The following OSBPL6 variants were observed in gnomAD, a reference collection of about 807,000 sequenced individuals.
OSBPL6 encodes the protein oxysterol binding protein like 6, also known as oxysterol-binding protein-related protein 6.
OSBPL6 carries 49 observed loss-of-function variants against 125.8 expected under a neutral mutation model. The ratio of observed to expected loss-of-function variants is 0.39; its 90% CI spans 0.31 to 0.49. The LOEUF is 0.49. OSBPL6 is among the 20% of genes least tolerant of loss of function. The pLI, the probability that OSBPL6 is intolerant of heterozygous loss-of-function variation, is 0.88. For missense variants in OSBPL6, 986 were observed against 1,135.4 expected, an observed-to-expected ratio of 0.87 and a Z score of 1.89; for synonymous variants, 394 against 391.8, an observed-to-expected ratio of 1.01 and a Z score of -0.07.
At chr2:178,389,988 T>A (rs1193972669) in intron 21 of OSBPL6, among the ~76,000 whole-genome samples, 1 of 152,190 alleles carries the variant, frequency 6.6e-6, no homozygotes, top group Admixed American at 6.5e-5. Flanking sequence ...CTACCTTTTT[T>A]CTTAGAGACT....
At chr2:178,329,564 G>A (rs775715725) in intron 5 of OSBPL6, among the ~76,000 whole-genome samples, 5 of 151,712 alleles carry the variant, frequency 3.3e-5, no homozygotes, top group Admixed American at 6.6e-5. Flanking sequence ...GACTACAGGC[G>A]CACGCCACCA....
intron 21 of OSBPL6, among the ~76,000 whole-genome samples, chr2:178,389,617 T>G (rs1244252916): frequency 6.6e-6 from 1 of 152,198 alleles, no homozygotes; most frequent in East Asian, 1.9e-4. Flanking sequence ...TATCCAACCC[T>G]GCCACTGTTA....
intron 2 of OSBPL6, among the ~76,000 whole-genome samples, chr2:178,300,897 A>G (rs972568549): frequency 2.6e-5 from 4 of 152,212 alleles, no homozygotes; most frequent in Non-Finnish European, 4.4e-5. Flanking sequence ...TTAAAACCAT[A>G]TGAAAGTCAG....
rs1179939272 is a variant in OSBPL6, at chr2:178,303,275, G to A, written c.-155-2755G>A. Among the ~76,000 whole-genome samples, 3 of 152,130 alleles carry A rather than the reference G, an allele frequency of 2.0e-5. No individual in the cohort carries two copies. In the East Asian group the frequency reaches 5.8e-4, roughly 29 times the overall value. On this transcript the variant is annotated intron_variant, in intron 2 of 24. Coordinates refer to ENST00000190611, the MANE Select transcript of OSBPL6 (RefSeq NM_032523.4). Reference sequence around the variant, plus strand: ...CAAGAGAAAGTCTCCCAGTTTGGAGGGAAAGTAGCTTTCATTTTTCCTGCG... The same window carrying A: ...CAAGAGAAAGTCTCCCAGTTTGGAGAGAAAGTAGCTTTCATTTTTCCTGCG...
intron 1 of OSBPL6, among the ~76,000 whole-genome samples, chr2:178,209,272 T>G (rs915606232): frequency 1.3e-5 from 2 of 152,128 alleles, no homozygotes; most frequent in Non-Finnish European, 2.9e-5. Flanking sequence ...AATTTTCTTA[T>G]GTTTGCTGTC....
chr2:178,387,073 A>G lies in OSBPL6; in HGVS notation c.2090A>G (p.Lys697Arg). Reference protein sequence around the residue: ...NFVFWQDIRWKNKFWGKSMEI... With the variant: ...NFVFWQDIRWRNKFWGKSMEI... ...CTATGTCATTTAGATATCAGATGGA[A>G]AAACAAGTTCTGGGGGAAGTCGATG... Residue 697 changes from lysine (K) to arginine (R), a missense_variant, in exon 20 of 25, where the codon AAA becomes AGA. Around this residue, in one of 3 missense-constraint regions of OSBPL6, gnomAD observed 843 missense variants for 997.3 expected, o/e 0.85. Coordinates refer to ENST00000190611, the MANE Select transcript of OSBPL6 (RefSeq NM_032523.4). 6.2e-7 allele frequency: 1 copy of G among 1,608,198 alleles called. No homozygotes were observed. Among genetic ancestry groups the G allele is most frequent in the Non-Finnish European group, 8.5e-7 (1 of 1,174,778 alleles).
At chr2:178,380,705 A>T (rs1694393170) in intron 15 of OSBPL6, among the ~76,000 whole-genome samples, 1 of 152,158 alleles carries the variant, frequency 6.6e-6, no homozygotes, top group Non-Finnish European at 1.5e-5. Context: ...GATTTATGAA[A>T]ATATATTTAC....
In OSBPL6 at chr2:178,383,166, G is replaced by C; in HGVS notation, c.1764G>C (p.Met588Ile). 1 of 1,614,178 alleles carries C rather than the reference G, an allele frequency of 6.2e-7. No homozygotes were observed. Among genetic ancestry groups the C allele is most frequent in the Non-Finnish European group, 8.5e-7 (1 of 1,180,044 alleles). Residue 588 changes from methionine (M) to isoleucine (I), a missense_variant, in exon 17 of 25, where the codon ATG becomes ATC. Physicochemically the swap from Met to Ile is conservative, Grantham distance 10 (BLOSUM62 1). Around this residue, in one of 3 missense-constraint regions of OSBPL6, gnomAD observed 843 missense variants for 997.3 expected, o/e 0.85. Coordinates refer to ENST00000190611, the MANE Select transcript of OSBPL6 (RefSeq NM_032523.4). ...GTAAAGACCTGTCTAAAGTCTCTAT[G>C]CCTGTGGAGCTAAACGAGCCGCTCA... ...NIGKDLSKVS[M>I]PVELNEPLNT...
chr2:178,239,920 C>T (rs1467892611), intron 1 of OSBPL6, among the ~76,000 whole-genome samples: 1 of 152,002 alleles, frequency 6.6e-6, no homozygotes, highest in Non-Finnish European at 1.5e-5. Context: ...AGCCACCGTG[C>T]TCAGCCTGAA....
At chr2:178,390,808 T>C (rs1456763524) in intron 21 of OSBPL6, among the ~76,000 whole-genome samples, 2 of 152,158 alleles carry the variant, frequency 1.3e-5, no homozygotes, top group Non-Finnish European at 2.9e-5. Flanking sequence ...AGCTTAGAAA[T>C]TAATATTAGG....
chr2:178,328,121 G>A (rs1688858020), intron 4 of OSBPL6, 135 bp from the exon 5 acceptor site: 1 of 1,133,746 alleles, frequency 8.8e-7, no homozygotes, highest in South Asian at 1.5e-5. Flanking sequence ...GTTAGAATTT[G>A]CTCCGGAATG....
intron 1 of OSBPL6, among the ~76,000 whole-genome samples, chr2:178,252,508 C>T (rs1045686992): frequency 4.6e-5 from 7 of 151,614 alleles, no homozygotes; most frequent in African/African-American, 1.5e-4. Context: ...ACATTTAAAC[C>T]GGGGAAGATG....
At chr2:178,260,029 CTTCTAA>C (rs1234062075) in intron 1 of OSBPL6, among the ~76,000 whole-genome samples, 1 of 152,110 alleles carries the variant, frequency 6.6e-6, no homozygotes. Flanking sequence ...AAATGGTAAT[CTTCTAA>C]TTCTAATATT....
At chr2:178,378,847 T>C (rs1459650996) in intron 15 of OSBPL6, among the ~76,000 whole-genome samples, 1 of 152,074 alleles carries the variant, frequency 6.6e-6, no homozygotes, top group African/African-American at 2.4e-5. Context: ...ATTTCTATGA[T>C]ATATTAGTTT....
intron 15 of OSBPL6, among the ~76,000 whole-genome samples, chr2:178,377,854 A>C (rs1262176809): frequency 6.6e-6 from 1 of 151,942 alleles, no homozygotes; most frequent in Non-Finnish European, 1.5e-5. Flanking sequence ...TTTGAGACAG[A>C]GTCTCATTCT....
At chr2:178,259,270 G>A (rs940614982) in intron 1 of OSBPL6, among the ~76,000 whole-genome samples, 6 of 152,150 alleles carry the variant, frequency 3.9e-5, no homozygotes, top group Non-Finnish European at 7.4e-5. Context: ...GTGACAGAAA[G>A]CATATATGTC....
intron 12 of OSBPL6, among the ~76,000 whole-genome samples, chr2:178,352,590 C>T (rs559463011): frequency 1.3e-5 from 2 of 152,186 alleles, no homozygotes; most frequent in South Asian, 2.1e-4. Flanking sequence ...TCAGGAAGCT[C>T]GAACTGGGCA....
rs573222678 is a variant in OSBPL6 at position 178,210,113 on chromosome 2, G to A, written c.-351+15439G>A. Among the ~76,000 whole-genome samples the A allele has an allele frequency of 1.1e-3, 164 of 152,070 alleles. 1 individual carries two copies. The highest frequency in any genetic ancestry group is 3.7e-3 in the African/African-American group (155 of 41,494). ...TGGCTCACTGCAACCTCTGCCTCCC[G>A]GGTTGAAGAGATTCTCCTGCCTCAG... On this transcript the variant is annotated intron_variant, in intron 1 of 24. Transcript: ENST00000190611.
chr2:178,255,380 A>G (rs986600767), intron 1 of OSBPL6, among the ~76,000 whole-genome samples: 4 of 152,236 alleles, frequency 2.6e-5, no homozygotes, highest in African/African-American at 9.6e-5. Context: ...TTATAAAACC[A>G]TCAGTTCTTG....
Sources: gnomAD v4.1 joint callset for allele counts (sites outside exome capture counted in the v4.1 genomes callset) on GRCh38, gnomAD v4.1.1 for gene constraint, gnomAD v4.1.1 regional missense constraint, MANE v1.5 for transcripts, NCBI Gene and HGNC (gene_info 2026-07-23, HGNC 2026-07-21) for gene names.